Variants in C10orf105 observed in about 807,000 individuals in gnomAD.
C10orf105 encodes chromosome 10 open reading frame 105, also known as uncharacterized protein C10orf105.
C10orf105 carries 2 observed loss-of-function variants against 0.6 expected under a neutral mutation model. That is an observed-to-expected ratio of 3.18 (90% confidence interval 1.30 to 10.01). C10orf105 has a LOEUF of 10.01. Among genes scored for constraint, C10orf105 ranks in the 30% most tolerant of loss-of-function variants. The pLI is 0.04. For missense variants in C10orf105, 209 were observed against 191.4 expected (o/e 1.09, Z -0.54); for synonymous variants, 95 against 82.4 (o/e 1.15, Z -0.83).
intron 1 of C10orf105, among the ~76,000 whole-genome samples, chr10:71,737,073 G>A (rs761389297): frequency 6.6e-5 from 10 of 152,148 alleles, no homozygotes; most frequent in African/African-American, 1.2e-4. Flanking sequence ...GGAGGGATCC[G>A]ATCACAAGGA....
intron 1 of C10orf105, among the ~76,000 whole-genome samples, chr10:71,718,100 G>A (rs951655015): frequency 1.3e-5 from 2 of 152,148 alleles, no homozygotes; most frequent in African/African-American, 4.8e-5. Flanking sequence ...TGAGGGTGGG[G>A]GATAGCAGAT....
Position 71,712,978 on chromosome 10 carries a change from T to C in C10orf105, c.*2958A>G. 1.2e-6 allele frequency: 1 copy of C among 847,382 alleles called. No individual in the cohort carries two copies. The highest frequency in any genetic ancestry group is 2.4e-4 in the Middle Eastern group (1 of 4,116). 52.5% of individuals were successfully genotyped at this position (847,382 alleles called of 1,614,324 possible). On this transcript the variant is annotated 3_prime_UTR_variant, in exon 2 of 2. Coordinates refer to ENST00000441508, the MANE Select transcript of C10orf105 (RefSeq NM_001164375.3). ...TGTGGGGAAAGGGGGACCCAGGCCC[T>C]CTCCCATCCCAGGGAGTGTGGGCCC... is the stretch of plus-strand genomic sequence containing the variant.
intron 1 of C10orf105, among the ~76,000 whole-genome samples, chr10:71,730,296 G>A (rs1456328390): frequency 2.0e-5 from 3 of 152,216 alleles, no homozygotes; most frequent in African/African-American, 7.2e-5. Context: ...CGCGCCAGGT[G>A]CTGTGCAAGG....
chr10:71,715,353 C>T lies in C10orf105; in HGVS notation c.*583G>A, dbSNP rs1866161727. 1 of 152,212 alleles carries T rather than the reference C, an allele frequency of 6.6e-6. No individual in the cohort carries two copies. Among genetic ancestry groups the T allele is most frequent in the Admixed American group, 6.5e-5 (1 of 15,282 alleles). 9.4% of individuals were successfully genotyped at this position (152,212 alleles called of 1,614,324 possible). On this transcript the variant is annotated 3_prime_UTR_variant, in exon 2 of 2. Transcript: ENST00000441508. ...TTTGCTCCTCCTCCCAGCTGGCACC[C>T]AGGCATCTGTTCCACCAGGAGGGAG...
In C10orf105 at chr10:71,713,305, A is replaced by G. The variant is rs192588830; in HGVS notation, c.*2631T>C. 3.6e-4 allele frequency: 277 copies of G among 779,030 alleles called. No individual in the cohort carries two copies. The African/African-American group carries it at 4.2e-3, about 12-fold the overall frequency. 48.3% of individuals were successfully genotyped at this position (779,030 alleles called of 1,614,324 possible). A position where few individuals can be genotyped will look rare whatever the true frequency, so the allele number is the denominator to read the frequency against. Reference sequence around the variant, plus strand: ...CAGCTCCAAGGCTCAGAGGGAGAGAAGGGAGGACCCTGAAAACAATTTGGG... The same window carrying G: ...CAGCTCCAAGGCTCAGAGGGAGAGAGGGGAGGACCCTGAAAACAATTTGGG... On this transcript the variant is annotated 3_prime_UTR_variant, in exon 2 of 2. Transcript: ENST00000441508.
chr10:71,732,569 G>A, intron 1 of C10orf105: 1 of 1,293,934 alleles, frequency 7.7e-7, no homozygotes, highest in Non-Finnish European at 1.0e-6. Context: ...GAGTTTGGAG[G>A]CTGCAGTGAG....
rs769972347 is a variant in C10orf105 at position 71,730,458 on chromosome 10, G to A, written c.-6+7270C>T. ...CACCCTGACCTTGCACCCCTGGCCC[G>A]GCTCCCACAGGTGATTGTGTACGTG... On this transcript the variant is annotated intron_variant, in intron 1 of 1. Transcript: ENST00000398786. 6 of 1,612,942 alleles carry A rather than the reference G, an allele frequency of 3.7e-6. No homozygotes were observed. The highest frequency in any genetic ancestry group is 1.8e-4 in the Middle Eastern group (1 of 5,662).
At chr10:71,735,616 C>T (rs545399635) in intron 1 of C10orf105, among the ~76,000 whole-genome samples, 4 of 152,338 alleles carry the variant, frequency 2.6e-5, no homozygotes, top group Admixed American at 6.5e-5. Flanking sequence ...CACATTGCCA[C>T]GCCCTGCTGA....
intron 1 of C10orf105, among the ~76,000 whole-genome samples, chr10:71,730,303 A>G (rs2132819015): frequency 6.6e-6 from 1 of 152,354 alleles, no homozygotes; most frequent in East Asian, 1.9e-4. Flanking sequence ...GGTGCTGTGC[A>G]AGGTGGTGGT....
At chr10:71,734,296 G>T in intron 1 of C10orf105, 1 of 1,612,530 alleles carries the variant, frequency 6.2e-7, no homozygotes, top group South Asian at 1.1e-5. Context: ...TCTATACCTT[G>T]ACAGTGGTGG....
chr10:71,713,068 C>A lies in C10orf105; in HGVS notation c.*2868G>T. ...AAACAGGAGGAAGACTTGGCCTCCC[C>A]CTGCATATCTCCCGCCCCACCCAGA... On this transcript the variant is annotated 3_prime_UTR_variant, in exon 2 of 2. Transcript: ENST00000441508. The A allele has an allele frequency of 2.7e-6, 2 of 745,012 alleles. No homozygotes were observed. The highest frequency in any genetic ancestry group is 5.1e-5 in the East Asian group (2 of 39,062). 46.2% of individuals were successfully genotyped at this position (745,012 alleles called of 1,614,324 possible).
chr10:71,729,194 G>A (rs1564761808), intron 1 of C10orf105, among the ~76,000 whole-genome samples: 1 of 152,198 alleles, frequency 6.6e-6, no homozygotes, highest in Non-Finnish European at 1.5e-5. Context: ...CATTCATAAA[G>A]AGAACTTAGT....
chr10:71,729,479 C>T (rs1839280854), intron 1 of C10orf105, among the ~76,000 whole-genome samples: 1 of 152,194 alleles, frequency 6.6e-6, no homozygotes, highest in African/African-American at 2.4e-5. Context: ...TCTTTGCTCT[C>T]CACGCCCATC....
At chr10:71,732,488 C>A in intron 1 of C10orf105, 1 of 1,454,048 alleles carries the variant, frequency 6.9e-7, no homozygotes, top group Non-Finnish European at 9.3e-7. Context: ...TTGAGATGGC[C>A]AAGTGTGGTG....
At chr10:71,725,641 A>C in intron 1 of C10orf105, 2 of 1,187,280 alleles carry the variant, frequency 1.7e-6, no homozygotes, top group South Asian at 3.1e-5. Flanking sequence ...TAGGTGCTGA[A>C]TGACATCTGG....
chr10:71,725,364 C>T (rs1333484719), intron 1 of C10orf105: 1 of 1,614,000 alleles, frequency 6.2e-7, no homozygotes, highest in South Asian at 1.1e-5. Flanking sequence ...GTCTGTCCCT[C>T]CACACAGGTA....
In C10orf105 at chr10:71,715,942, C is replaced by T. The variant is rs1280747926; in HGVS notation, c.396G>A (p.Lys132=). Reference sequence around the variant, plus strand: ...CATGTTTGTGGACACCCCATTACATCTTGGTAGATTCCATGTAGTCACAGT... The same window carrying T: ...CATGTTTGTGGACACCCCATTACATTTTGGTAGATTCCATGTAGTCACAGT... ...RSHCDYMEST[K]M is the part of the protein sequence containing the mutation. The change falls in exon 2 of 2, where the codon AAG becomes AAA. Residue 132 remains lysine, a synonymous_variant. Transcript: ENST00000441508. 6.8e-7 allele frequency: 1 copy of T among 1,465,312 alleles called. No individual in the cohort carries two copies. The highest frequency in any genetic ancestry group is 9.0e-7 in the Non-Finnish European group (1 of 1,107,264). 90.8% of individuals were successfully genotyped at this position (1,465,312 alleles called of 1,614,324 possible).
At position 71,712,853 on chromosome 10, in the gene C10orf105, G is replaced by A. The variant is rs1305105516; in HGVS notation, c.*3083C>T. ...GCCTCTGGGGCAGGTGGTGGGCTGG[G>A]GGAGGCGGAGCCACACACGGCCCTG... On this transcript the variant is annotated 3_prime_UTR_variant, in exon 2 of 2. Transcript: ENST00000441508. The A allele has an allele frequency of 6.3e-7, 1 of 1,597,360 alleles. No individual in the cohort carries two copies.
At chr10:71,726,829 C>T (rs61852057) in intron 1 of C10orf105, among the ~76,000 whole-genome samples, 23,886 of 152,282 alleles carry the variant, frequency 0.16, 2,059 homozygotes, top group South Asian at 0.32. Flanking sequence ...CCTCGCTCCC[C>T]GCTCCCTCAC....
Sources: gnomAD v4.1 joint callset for allele counts (sites outside exome capture counted in the v4.1 genomes callset) on GRCh38, gnomAD v4.1.1 for gene constraint, MANE v1.5 for transcripts, NCBI Gene and HGNC (gene_info 2026-07-23, HGNC 2026-07-21) for gene names.